Variants in WWOX observed in about 807,000 individuals in gnomAD.
The protein encoded by WWOX is WW domain containing oxidoreductase.
Under a neutral mutation model 46.2 loss-of-function variants are expected in WWOX, and 69 were observed. That is an observed-to-expected ratio of 1.49 (90% CI 1.23 to 1.82). The LOEUF is 1.82. Among genes scored for constraint, WWOX ranks in the 40% most tolerant of loss-of-function variants. WWOX has a pLI of 0.00. For missense variants in WWOX, 919 were observed against 542.6 expected (o/e 1.69, Z -6.89); for synonymous variants, 359 against 202.6 (o/e 1.77, Z -6.56).
intron 8 of WWOX, among the ~76,000 whole-genome samples, chr16:78,649,627 A>G (rs1157287264): frequency 6.6e-6 from 1 of 152,104 alleles, no homozygotes; most frequent in African/African-American, 2.4e-5. Context: ...CCCACCTCTT[A>G]GGTTTTGCTT....
intron 8 of WWOX, among the ~76,000 whole-genome samples, chr16:78,875,365 G>GCTTTATGA: frequency 6.6e-6 from 1 of 152,142 alleles, no homozygotes; most frequent in South Asian, 2.1e-4. Context: ...GATGCTCCCA[G>GCTTTATGA]TATATAAGAC....
chr16:78,786,611 A>C (rs1181277780), intron 8 of WWOX, among the ~76,000 whole-genome samples: 1 of 152,096 alleles, frequency 6.6e-6, no homozygotes, highest in African/African-American at 2.4e-5. Flanking sequence ...AACTTTTTTT[A>C]GTATATTCGC....
rs5818138 is a variant in WWOX at position 78,446,657 on chromosome 16, C to CTTTTT, written c.1056+13925_1056+13929dup. The stretch of plus-strand genomic sequence containing the variant: ...CATCGAGTATAGTACCAAGTGTATA[C>CTTTTT]TTTTTTTTTTTTTTTTTTTTTTTTG... On this transcript the variant is annotated intron_variant, in intron 8 of 8. Transcript: ENST00000566780. 5.0e-4 allele frequency among the ~76,000 whole-genome samples: 44 copies of CTTTTT among 88,106 alleles called. 1 individual carries two copies. The highest frequency in any genetic ancestry group is 8.2e-4 in the African/African-American group (18 of 21,896). The allele number at this position is 88,106 out of a possible 152,430, so 57.8% of individuals were successfully genotyped here. A position where few individuals can be genotyped will look rare whatever the true frequency, so the allele number is the denominator to read the frequency against.
intron 8 of WWOX, among the ~76,000 whole-genome samples, chr16:78,472,895 C>T (rs1367374304): frequency 6.7e-6 from 1 of 149,586 alleles, no homozygotes; most frequent in African/African-American, 2.4e-5. Context: ...GATGGGATTA[C>T]TGCGCCACTC....
Position 78,968,652 on chromosome 16 carries a change from G to T in WWOX, c.1057-242956G>T, listed in dbSNP as rs755524343. ...GTGACAAAAAGCACAAGCCCCAGCT[G>T]CCAAGGAGGCTGATATCGGGAGAGG... is the stretch of plus-strand genomic sequence containing the variant. On this transcript the variant is annotated intron_variant, in intron 8 of 8. Transcript: ENST00000566780. Among the ~76,000 whole-genome samples, 3 of 152,216 alleles carry T rather than the reference G, an allele frequency of 2.0e-5. No individual in the cohort carries two copies. The South Asian group carries it at 6.2e-4, about 32-fold the overall frequency.
intron 8 of WWOX, among the ~76,000 whole-genome samples, chr16:78,930,222 T>TTCCTTCCTTCCTTCCTTC (rs2045589062): frequency 4.8e-5 from 5 of 104,996 alleles, no homozygotes; most frequent in African/African-American, 7.9e-5. Context: ...TCAGGACCTT[T>TTCCTTCCTTCCTTCCTTC]CTTCCTTCCT....
chr16:78,373,202 G>C (rs1485070052), intron 5 of WWOX, among the ~76,000 whole-genome samples: 1 of 152,066 alleles, frequency 6.6e-6, no homozygotes, highest in Non-Finnish European at 1.5e-5. Flanking sequence ...AGACTCAATA[G>C]GTACTAGATC....
chr16:78,214,398 C>T (rs1197208497), intron 5 of WWOX, among the ~76,000 whole-genome samples: 2 of 152,162 alleles, frequency 1.3e-5, no homozygotes, highest in African/African-American at 4.8e-5. Flanking sequence ...GATGATAAAC[C>T]ACCAAGCAAC....
intron 8 of WWOX, among the ~76,000 whole-genome samples, chr16:78,630,839 T>TA (rs761720933): frequency 2.6e-5 from 4 of 151,650 alleles, no homozygotes; most frequent in African/African-American, 4.8e-5. Flanking sequence ...AGCCAACAAA[T>TA]ACTGGGTGAA....
intron 8 of WWOX, among the ~76,000 whole-genome samples, chr16:78,453,198 A>G (rs1233890511): frequency 6.6e-6 from 1 of 152,040 alleles, no homozygotes; most frequent in Non-Finnish European, 1.5e-5. Flanking sequence ...CTGAGGTGGG[A>G]GGATTACCTA....
At chr16:78,364,154 C>A (rs1279707434) in intron 5 of WWOX, among the ~76,000 whole-genome samples, 1 of 152,164 alleles carries the variant, frequency 6.6e-6, no homozygotes. Context: ...TTTCCAGCGA[C>A]CCTGTTTGCA....
intron 6 of WWOX, among the ~76,000 whole-genome samples, chr16:78,408,129 A>G (rs1198312249): frequency 6.6e-6 from 1 of 152,146 alleles, no homozygotes; most frequent in Non-Finnish European, 1.5e-5. Context: ...AAGACAGTTT[A>G]AAGACTGAAA....
chr16:78,736,164 C>G (rs1052725443), intron 8 of WWOX, among the ~76,000 whole-genome samples: 1 of 152,128 alleles, frequency 6.6e-6, no homozygotes, highest in African/African-American at 2.4e-5. Flanking sequence ...GATGTGGTCT[C>G]AAATGAAGTC....
At chr16:79,036,358 C>A (rs118165926) in intron 8 of WWOX, among the ~76,000 whole-genome samples, 1 of 152,204 alleles carries the variant, frequency 6.6e-6, no homozygotes, top group East Asian at 1.9e-4. Flanking sequence ...TTAGACAGTA[C>A]CCTTTATGTT....
At chr16:78,587,262 G>A (rs562086990) in intron 8 of WWOX, among the ~76,000 whole-genome samples, 11 of 146,544 alleles carry the variant, frequency 7.5e-5, no homozygotes, top group African/African-American at 2.8e-4. Flanking sequence ...TCTTGTACTG[G>A]GCTCAAGCAA....
At chr16:79,123,589 C>G (rs2049686100) in intron 8 of WWOX, among the ~76,000 whole-genome samples, 1 of 152,108 alleles carries the variant, frequency 6.6e-6, no homozygotes. Context: ...AGGGTCTCAT[C>G]TAACAGGCAG....
intron 8 of WWOX, among the ~76,000 whole-genome samples, chr16:79,028,727 C>T (rs148515570): frequency 0.012 from 1,753 of 151,892 alleles, 69 homozygotes; most frequent in African/African-American, 0.04. Context: ...CTCTAAACTT[C>T]TTTCCACAAG....
At chr16:78,498,016 C>A (rs891193243) in intron 8 of WWOX, among the ~76,000 whole-genome samples, 12 of 151,888 alleles carry the variant, frequency 7.9e-5, no homozygotes, top group Non-Finnish European at 1.6e-4. Context: ...TCCTGGCTAA[C>A]ATGGTGAAAT....
intron 8 of WWOX, among the ~76,000 whole-genome samples, chr16:78,827,788 C>T (rs1459336835): frequency 6.6e-6 from 1 of 152,134 alleles, no homozygotes; most frequent in African/African-American, 2.4e-5. Flanking sequence ...TTGCAGTGAG[C>T]CGAGATGGCG....
Sources: gnomAD v4.1 joint callset for allele counts (sites outside exome capture counted in the v4.1 genomes callset) on GRCh38, gnomAD v4.1.1 for gene constraint, MANE v1.5 for transcripts, NCBI Gene and HGNC (gene_info 2026-07-23, HGNC 2026-07-21) for gene names.